The following RBFOX1 variants were observed in gnomAD, a reference collection of about 807,000 sequenced individuals.
The protein encoded by RBFOX1 is RNA binding fox-1 homolog 1.
In RBFOX1, 8 loss-of-function variants were observed where a neutral mutation model predicts 57.7. The observed-to-expected ratio is 0.14, with a 90% CI of 0.08 to 0.25. The LOEUF is 0.25. Ranked by LOEUF, RBFOX1 falls within the 10% of genes least tolerant of loss-of-function variation. RBFOX1 has a pLI of 1.00. For missense variants in RBFOX1, 611 were observed against 548.5 expected, an observed-to-expected ratio of 1.11 and a Z score of -1.14; for synonymous variants, 326 against 222.4, an observed-to-expected ratio of 1.47 and a Z score of -4.15.
Position 7,132,080 on chromosome 16 carries a change from C to T in RBFOX1, c.27+79982C>T, listed in dbSNP as rs182129306. Among the ~76,000 whole-genome samples, 16 of 151,030 alleles carry T rather than the reference C, an allele frequency of 1.1e-4. No individual in the cohort carries two copies. In the East Asian group the frequency reaches 2.0e-3, roughly 18 times the overall value. The stretch of plus-strand genomic sequence containing the variant: ...AATATCAGGTCACTGCAACCTCTGC[C>T]GCCCGGGCTGAAGCAATTCTCCTGA... On this transcript the variant is annotated intron_variant, in intron 4 of 15. Coordinates refer to ENST00000550418, the MANE Select transcript of RBFOX1 (RefSeq NM_018723.4).
intron 1 of RBFOX1, among the ~76,000 whole-genome samples, chr16:6,163,553 G>C (rs1244751855): frequency 2.0e-5 from 3 of 152,116 alleles, no homozygotes; most frequent in Non-Finnish European, 4.4e-5. Flanking sequence ...TTAATTTGTT[G>C]TTCATTGACA....
chr16:5,293,412 T>C (rs983720469), intron 1 of RBFOX1, among the ~76,000 whole-genome samples: 5 of 152,174 alleles, frequency 3.3e-5, no homozygotes, highest in Non-Finnish European at 7.3e-5. Context: ...CCTCCTGCCC[T>C]GGCTGTCTTA....
intron 3 of RBFOX1, among the ~76,000 whole-genome samples, chr16:6,944,412 A>G (rs1044477997): frequency 1.0e-4 from 15 of 149,994 alleles, no homozygotes; most frequent in Admixed American, 2.0e-4. Flanking sequence ...AAAAAAAAAA[A>G]AAAGAAAGAA....
At chr16:7,380,139 T>C (rs1379128923) in intron 4 of RBFOX1, among the ~76,000 whole-genome samples, 1 of 152,180 alleles carries the variant, frequency 6.6e-6, no homozygotes, top group Non-Finnish European at 1.5e-5. Context: ...ACTACAGGTG[T>C]GAGCTGTGCC....
At chr16:6,659,162 G>T (rs2098684603) in intron 3 of RBFOX1, among the ~76,000 whole-genome samples, 1 of 151,968 alleles carries the variant, frequency 6.6e-6, no homozygotes, top group South Asian at 2.1e-4. Context: ...CTATTATAAA[G>T]ACTGAGATTC....
intron 3 of RBFOX1, among the ~76,000 whole-genome samples, chr16:5,763,185 A>T (rs1245355611): frequency 6.6e-6 from 1 of 152,224 alleles, no homozygotes; most frequent in Admixed American, 6.5e-5. Flanking sequence ...TGATTTGGGC[A>T]GCCTTCCTTC....
chr16:5,667,871 T>TA (rs2049895609), intron 3 of RBFOX1, among the ~76,000 whole-genome samples: 1 of 152,186 alleles, frequency 6.6e-6, no homozygotes, highest in Admixed American at 6.5e-5. Context: ...GGGATGAGCT[T>TA]ATTGATGCAG....
intron 1 of RBFOX1, among the ~76,000 whole-genome samples, chr16:5,310,183 G>C (rs1438595182): frequency 6.6e-6 from 1 of 152,104 alleles, no homozygotes; most frequent in South Asian, 2.1e-4. Context: ...CGGATCACTC[G>C]AGGGCAGGAG....
intron 3 of RBFOX1, among the ~76,000 whole-genome samples, chr16:5,646,097 T>G (rs2049044359): frequency 6.6e-6 from 1 of 152,050 alleles, no homozygotes; most frequent in African/African-American, 2.4e-5. Context: ...TGGCACAATC[T>G]TGGCTCACTG....
intron 2 of RBFOX1, among the ~76,000 whole-genome samples, chr16:6,549,521 A>AGGGAGGAGGAGGAGG (rs2096952705): frequency 1.9e-5 from 1 of 52,846 alleles, no homozygotes; most frequent in Non-Finnish European, 3.5e-5. Context: ...GGAGGAGGAG[A>AGGGAGGAGGAGGAGG]GGAGGGAGGA....
intron 14 of RBFOX1, among the ~76,000 whole-genome samples, chr16:7,679,819 C>G (rs759026313): frequency 6.6e-5 from 10 of 151,978 alleles, no homozygotes; most frequent in Non-Finnish European, 1.3e-4. Context: ...AGAAGACCAT[C>G]TGGTGTGGGC....
At chr16:5,709,835 ATATATATATTTTTTTTTTTTT>A (rs1398656614) in intron 3 of RBFOX1, among the ~76,000 whole-genome samples, 9 of 6,212 alleles carry the variant, frequency 1.4e-3, no homozygotes, top group South Asian at 0.019. Flanking sequence ...ATATATATAT[ATATATATATTTTTTTTTTTTT>A]TTTTTTTTTT....
chr16:5,720,935 A>G (rs1402018081), intron 3 of RBFOX1, among the ~76,000 whole-genome samples: 1 of 152,184 alleles, frequency 6.6e-6, no homozygotes, highest in African/African-American at 2.4e-5. Context: ...TTCTCAGTGA[A>G]TTTCAGAGTC....
At chr16:6,623,060 C>T (rs775192231) in intron 2 of RBFOX1, among the ~76,000 whole-genome samples, 5 of 152,112 alleles carry the variant, frequency 3.3e-5, no homozygotes, top group African/African-American at 4.8e-5. Flanking sequence ...AGTCCGCCAT[C>T]GACATATATT....
At chr16:6,431,890 TTG>T (rs1567257703) in intron 2 of RBFOX1, among the ~76,000 whole-genome samples, 31 of 112,834 alleles carry the variant, frequency 2.7e-4, no homozygotes, top group Admixed American at 1.2e-3. Context: ...ATATGCTTGC[TTG>T]CTTGCTTTCT....
chr16:6,682,510 G>A (rs1040820645), intron 3 of RBFOX1, among the ~76,000 whole-genome samples: 1 of 152,146 alleles, frequency 6.6e-6, no homozygotes, highest in Non-Finnish European at 1.5e-5. Context: ...ATGTAGAAAA[G>A]GGTTTCTCAA....
At chr16:6,186,274 T>C (rs1177198128) in intron 1 of RBFOX1, among the ~76,000 whole-genome samples, 2 of 152,174 alleles carry the variant, frequency 1.3e-5, no homozygotes, top group African/African-American at 4.8e-5. Flanking sequence ...CTGATGACTC[T>C]GGGTTAGAGT....
chr16:5,876,172 G>T lies in RBFOX1; in HGVS notation c.351+8837G>T, dbSNP rs549920243. Reference sequence around the variant, plus strand: ...CCACAATTTTTACCTTGCATTGGGGGTTAATGAGTAAAAACAACCAAATGG... The same window carrying T: ...CCACAATTTTTACCTTGCATTGGGGTTTAATGAGTAAAAACAACCAAATGG... On this transcript the variant is annotated intron_variant, in intron 4 of 19. Transcript: ENST00000641259. Among the ~76,000 whole-genome samples the T allele has an allele frequency of 1.4e-3, 210 of 152,178 alleles. 4 individuals are homozygous for T. In the South Asian group the frequency reaches 0.042, roughly 31 times the overall value.
intron 2 of RBFOX1, among the ~76,000 whole-genome samples, chr16:6,624,514 C>A (rs1265821875): frequency 6.6e-6 from 1 of 152,098 alleles, no homozygotes; most frequent in Non-Finnish European, 1.5e-5. Context: ...CAGTTTCCAC[C>A]CACCTTTGTT....
Sources: allele counts gnomAD v4.1 joint callset (sites outside exome capture counted in the v4.1 genomes callset), GRCh38; gene constraint gnomAD v4.1.1; transcripts MANE v1.5; gene names NCBI Gene and HGNC (gene_info 2026-07-23, HGNC 2026-07-21).